The following RYR3 variants were observed in gnomAD, a reference collection of about 807,000 sequenced individuals.
The protein encoded by RYR3 is ryanodine receptor 3, also known as brain ryanodine receptor-calcium release channel.
Under a neutral mutation model 584.3 loss-of-function variants are expected in RYR3, and 207 were observed. The observed-to-expected ratio is 0.35, with a 90% CI of 0.32 to 0.40. The LOEUF (loss-of-function observed/expected upper bound fraction) is 0.40. Ranked by LOEUF, RYR3 falls within the 10% of genes least tolerant of loss-of-function variation. The probability of loss-of-function intolerance (pLI) is 1.00; values close to 1 mark genes in which losing one functional copy is unlikely to be tolerated. For missense variants in RYR3, 5,616 were observed against 6,089.2 expected (o/e 0.92, Z 2.59); for synonymous variants, 2,416 against 2,248.5 (o/e 1.07, Z -2.11).
chr15:33,374,364 ATGTGTGTGTG>A (rs138831585), intron 1 of RYR3, among the ~76,000 whole-genome samples: 113 of 145,028 alleles, frequency 7.8e-4, no homozygotes, highest in African/African-American at 2.7e-3. Context: ...GTACGAGTGT[ATGTGTGTGTG>A]TGTGTGTGTG....
chr15:33,723,979 G>A (rs2068144722), intron 44 of RYR3, 86 bp from the exon 45 acceptor site: 4 of 694,262 alleles, frequency 5.8e-6, no homozygotes, highest in Non-Finnish European at 7.8e-6. Context: ...GAAGAGCAGA[G>A]TGCTTCCATA....
At chr15:33,759,610 GAACA>G (rs1253754429) in intron 60 of RYR3, among the ~76,000 whole-genome samples, 2 of 152,148 alleles carry the variant, frequency 1.3e-5, no homozygotes, top group South Asian at 2.1e-4. Context: ...AAATGAAAAA[GAACA>G]AACAAAGCCT....
In RYR3 at chr15:33,756,271, C is replaced by T. The variant is rs963453170; in HGVS notation, c.8516-35C>T. 6.0e-6 allele frequency: 9 copies of T among 1,492,336 alleles called. No homozygotes were observed. In the African/African-American group the frequency reaches 8.3e-5, roughly 14 times the overall value. 92.4% of individuals were successfully genotyped at this position (1,492,336 alleles called of 1,614,324 possible). A position where few individuals can be genotyped will look rare whatever the true frequency, so the allele number is the denominator to read the frequency against. ...GTTGTGACTGATTTTTACTTCGTAA[C>T]TCTGGCCAACTTTGTGTTACCTGTG... On this transcript the variant is annotated intron_variant, in intron 58 of 103. Coordinates refer to ENST00000634891, the MANE Select transcript of RYR3 (RefSeq NM_001036.6).
At chr15:33,533,693 A>T (rs2055073238) in intron 5 of RYR3, among the ~76,000 whole-genome samples, 1 of 152,198 alleles carries the variant, frequency 6.6e-6, no homozygotes. Context: ...AGAACCAATG[A>T]TACTAAATGA....
In RYR3 at chr15:33,550,154, G is replaced by A; in HGVS notation, c.816-6G>A. 6.2e-7 allele frequency: 1 copy of A among 1,610,132 alleles called. No individual in the cohort carries two copies. Among genetic ancestry groups the A allele is most frequent in the Non-Finnish European group, 8.5e-7 (1 of 1,178,830 alleles). On this transcript the variant is annotated splice_region_variant and splice_polypyrimidine_tract_variant and intron_variant, in intron 9 of 103. Transcript: ENST00000634891. ...ATGCAATTTCTTGTCTGTTTCATCT[G>A]CCCAGCTGGAGTGGCAGTAACATCA...
Position 33,580,107 on chromosome 15 carries a change from G to A in RYR3, c.1400G>A (p.Arg467His), listed in dbSNP as rs1252434951. The change falls in exon 13 of 104, where the codon CGC becomes CAC. Residue 467 changes from arginine to histidine, a missense_variant. Transcript: ENST00000634891. ...CATGAAGACAAGCAGAACAAGCTCC[G>A]CTCACTCAAAAACAGACAAAATCTT... is the stretch of plus-strand genomic sequence containing the variant. ...MRHEDKQNKL[R>H]SLKNRQNLFK... is the part of the protein sequence containing the mutation. 6 of 1,611,698 alleles carry A rather than the reference G, an allele frequency of 3.7e-6. No individual in the cohort carries two copies. Among genetic ancestry groups the A allele is most frequent in the South Asian group, 1.1e-5 (1 of 90,568 alleles).
At chr15:33,351,064 A>G (rs1179048617) in intron 1 of RYR3, among the ~76,000 whole-genome samples, 5 of 152,184 alleles carry the variant, frequency 3.3e-5, no homozygotes, top group Non-Finnish European at 7.3e-5. Context: ...GCAATAAAAA[A>G]TGATAAAGGG....
rs34368099 is a variant in RYR3 at position 33,394,951 on chromosome 15, C to CAA, written c.52-78460_52-78459dup. On this transcript the variant is annotated intron_variant, in intron 1 of 103. Coordinates refer to ENST00000634891, the MANE Select transcript of RYR3 (RefSeq NM_001036.6). ...TGAGGAGTTTTAAAAAATGCTGATGCAAAAAAAAACACATACTGATACCCG... is the reference window on the plus strand; with the variant it reads ...TGAGGAGTTTTAAAAAATGCTGATGCAAAAAAAAAAACACATACTGATACCCG... Among the ~76,000 whole-genome samples the CAA allele has an allele frequency of 1.3e-4, 19 of 148,936 alleles. No homozygotes were observed. The South Asian group carries it at 3.0e-3, about 23-fold the overall frequency.
intron 2 of RYR3, among the ~76,000 whole-genome samples, chr15:33,499,189 C>CT (rs940339055): frequency 5.3e-5 from 8 of 151,298 alleles, no homozygotes; most frequent in Non-Finnish European, 1.2e-4. Context: ...CTCTCTCTCC[C>CT]TCCCCTTCCT....
Position 33,584,480 on chromosome 15 carries a change from A to T in RYR3, c.1659A>T (p.Glu553Asp). The T allele has an allele frequency of 6.5e-7, 1 of 1,527,364 alleles. No individual in the cohort carries two copies. Among genetic ancestry groups the T allele is most frequent in the Non-Finnish European group, 9.1e-7 (1 of 1,104,036 alleles). 94.6% of individuals were successfully genotyped at this position (1,527,364 alleles called of 1,614,324 possible). A position where few individuals can be genotyped will look rare whatever the true frequency, so the allele number is the denominator to read the frequency against. The change falls in exon 15 of 104, where the codon GAA (glutamate) becomes GAT (aspartate). Residue 553 changes from glutamate (E) to aspartate (D), a missense_variant. Coordinates refer to ENST00000634891, the MANE Select transcript of RYR3 (RefSeq NM_001036.6). Reference protein sequence around the residue: ...DWLISKLDRLESSSGILEVLH... With the variant: ...DWLISKLDRLDSSSGILEVLH... Reference sequence around the variant, plus strand: ...TCATCAGTAAATTGGACAGACTAGAATCTTCCTCAGGTGAGAATTGACAGG... The same window carrying T: ...TCATCAGTAAATTGGACAGACTAGATTCTTCCTCAGGTGAGAATTGACAGG...
intron 1 of RYR3, among the ~76,000 whole-genome samples, chr15:33,319,899 C>T (rs546842715): frequency 3.3e-5 from 5 of 152,244 alleles, no homozygotes; most frequent in South Asian, 4.1e-4. Flanking sequence ...ATTTGGTTTA[C>T]GCCAAGTTCT....
At chr15:33,632,385 A>G (rs994583499) in intron 23 of RYR3, among the ~76,000 whole-genome samples, 3 of 152,218 alleles carry the variant, frequency 2.0e-5, no homozygotes, top group Admixed American at 6.5e-5. Context: ...TTATCAGTCA[A>G]CTTACAGACA....
At chr15:33,843,042 G>A (rs779844708) in intron 91 of RYR3, among the ~76,000 whole-genome samples, 22 of 151,142 alleles carry the variant, frequency 1.5e-4, no homozygotes, top group African/African-American at 3.7e-4. Flanking sequence ...AGGGTTGGCC[G>A]GGCACGGTGG....
intron 1 of RYR3, among the ~76,000 whole-genome samples, chr15:33,317,532 T>C (rs1445767626): frequency 6.6e-6 from 1 of 152,174 alleles, no homozygotes; most frequent in Admixed American, 6.5e-5. Flanking sequence ...TTTCCTTTGG[T>C]TCAGTGAATT....
intron 43 of RYR3, among the ~76,000 whole-genome samples, 151 bp downstream of exon 43, chr15:33,707,205 T>C (rs2066780403): frequency 6.6e-6 from 1 of 152,130 alleles, no homozygotes; most frequent in African/African-American, 2.4e-5. Flanking sequence ...CACAGGTGTT[T>C]GGTGGCTGGC....
rs745540808 is a variant in RYR3 at position 33,826,209 on chromosome 15, A to G, written c.11147-43A>G. The G allele has an allele frequency of 1.9e-6, 3 of 1,596,034 alleles. No homozygotes were observed. The Admixed American group carries it at 5.0e-5, about 27-fold the overall frequency. ...AAAGACAGTTTATCATGATGTTTAC[A>G]GTTTTCTTACTTTCTATTCTTCTGT... On this transcript the variant is annotated intron_variant, in intron 82 of 103. Transcript: ENST00000634891.
chr15:33,579,536 G>A (rs2058487533), intron 12 of RYR3, among the ~76,000 whole-genome samples: 1 of 152,116 alleles, frequency 6.6e-6, no homozygotes, highest in African/African-American at 2.4e-5. Flanking sequence ...AAAAAAAAAT[G>A]TGTGACAGAC....
intron 2 of RYR3, among the ~76,000 whole-genome samples, chr15:33,490,744 TAAA>T (rs3084449): frequency 2.1e-5 from 3 of 142,326 alleles, no homozygotes; most frequent in African/African-American, 5.2e-5. Context: ...TTACTCTTGT[TAAA>T]AAAAAAAAAA....
At position 33,757,537 on chromosome 15, in the gene RYR3, T is replaced by C. The variant is rs1264548817; in HGVS notation, c.8646T>C (p.Pro2882=). ...TSHCLYFLSS[P]LKPLSSSGYA... is the part of the protein sequence containing the mutation. ...ATTGCCTCTACTTCTTGTCATCCCCTCTGAAGCCCCTTAGCAGCAGCGGAT... is the reference window on the plus strand; with the variant it reads ...ATTGCCTCTACTTCTTGTCATCCCCCCTGAAGCCCCTTAGCAGCAGCGGAT... The change falls in exon 60 of 104, where the codon CCT becomes CCC. Residue 2882 remains proline, a synonymous_variant. Coordinates refer to ENST00000634891, the MANE Select transcript of RYR3 (RefSeq NM_001036.6). 9.9e-6 allele frequency: 16 copies of C among 1,611,402 alleles called. No individual in the cohort carries two copies. The highest frequency in any genetic ancestry group is 1.4e-5 in the Non-Finnish European group (16 of 1,179,174).
Sources: gnomAD v4.1 joint callset for allele counts (sites outside exome capture counted in the v4.1 genomes callset) on GRCh38, gnomAD v4.1.1 for gene constraint, MANE v1.5 for transcripts, NCBI Gene and HGNC (gene_info 2026-07-23, HGNC 2026-07-21) for gene names.